Variants in DPP9 observed in about 807,000 individuals in gnomAD.
DPP9 encodes the protein dipeptidyl peptidase IV-related protein-2.
In DPP9, 50 loss-of-function variants were observed where a neutral mutation model predicts 110.7. The ratio of observed to expected loss-of-function variants is 0.45; its 90% CI spans 0.36 to 0.57. DPP9 has a LOEUF of 0.57. Ranked by LOEUF, DPP9 falls within the 20% of genes least tolerant of loss-of-function variation. The pLI is 0.00. For missense variants in DPP9, 1,022 were observed against 1,217.9 expected, an observed-to-expected ratio of 0.84 and a Z score of 2.39; for synonymous variants, 561 against 514.4, an observed-to-expected ratio of 1.09 and a Z score of -1.23.
At chr19:4,723,179 C>T (rs571885954) in intron 1 of DPP9, among the ~76,000 whole-genome samples, 2 of 152,228 alleles carry the variant, frequency 1.3e-5, no homozygotes, top group Admixed American at 1.3e-4. Context: ...GACCAAGCCT[C>T]GGGGCGAAGG....
intron 3 of DPP9, among the ~76,000 whole-genome samples, chr19:4,714,999 T>C: frequency 6.8e-6 from 1 of 147,582 alleles, no homozygotes; most frequent in Non-Finnish European, 1.5e-5. Context: ...ACTTCTTTGA[T>C]ATATGTTTAT....
chr19:4,705,796 TG>T lies in DPP9; in HGVS notation c.426+61del. On this transcript the variant is annotated intron_variant, in intron 5 of 21. Transcript: ENST00000262960. ...GGTGACCGAAGGCATGTATGGCCTG[TG>T]GGGCTGGCCTTTGCCACCTCCTCGC... The T allele has an allele frequency of 8.5e-6, 13 of 1,523,562 alleles. No individual in the cohort carries two copies. The South Asian group carries it at 1.4e-4, about 16-fold the overall frequency. 94.4% of individuals were successfully genotyped at this position (1,523,562 alleles called of 1,614,324 possible). A position where few individuals can be genotyped will look rare whatever the true frequency, so the allele number is the denominator to read the frequency against.
chr19:4,676,405 C>T lies in DPP9; in HGVS notation c.*159G>A, dbSNP rs879920098. Reference sequence around the variant, plus strand: ...AGAGCGTTTAAAAAAGGATAAAAGGCGTCGGGGCGGTGAAGGCAGCGGCTC... The same window carrying T: ...AGAGCGTTTAAAAAAGGATAAAAGGTGTCGGGGCGGTGAAGGCAGCGGCTC... On this transcript the variant is annotated 3_prime_UTR_variant, in exon 22 of 22. Coordinates refer to ENST00000262960, the MANE Select transcript of DPP9 (RefSeq NM_139159.5). The surrounding 1 kb of genome is among the most constrained non-coding windows in gnomAD (Gnocchi z 4.0). 3.2e-6 allele frequency: 2 copies of T among 630,338 alleles called. No individual in the cohort carries two copies. The highest frequency in any genetic ancestry group is 5.7e-6 in the Non-Finnish European group (2 of 353,640). 39.0% of individuals were successfully genotyped at this position (630,338 alleles called of 1,614,324 possible).
At position 4,704,059 on chromosome 19, in the gene DPP9, G is replaced by A. The variant is rs1441590953; in HGVS notation, c.601-5C>T. The A allele has an allele frequency of 3.7e-6, 6 of 1,613,946 alleles. No homozygotes were observed. The Admixed American group carries it at 6.7e-5, about 18-fold the overall frequency. The stretch of plus-strand genomic sequence containing the variant: ...CAGCGGTTTCATAGGGGACACCTGA[G>A]GACAGAGACGCCCAGCTCAGGGGGA... On this transcript the variant is annotated splice_polypyrimidine_tract_variant and splice_region_variant and intron_variant, in intron 6 of 21. Transcript: ENST00000262960. The surrounding 1 kb of genome is among the most constrained non-coding windows in gnomAD (Gnocchi z 6.0).
chr19:4,689,830 A>G lies in DPP9; in HGVS notation c.1597-108T>C. On this transcript the variant is annotated intron_variant, in intron 14 of 21. Transcript: ENST00000262960. The surrounding 1 kb of genome is among the most constrained non-coding windows in gnomAD (Gnocchi z 7.0). ...CCCATGTTCCTCGGACTGGGGACGC[A>G]TGCTGTCCTCGCCCAAGTCTGGCTT... The G allele has an allele frequency of 8.2e-7, 1 of 1,224,158 alleles. No homozygotes were observed. The highest frequency in any genetic ancestry group is 1.1e-6 in the Non-Finnish European group (1 of 902,070). The allele number at this position is 1,224,158 out of a possible 1,614,324, so 75.8% of individuals were successfully genotyped here. A position where few individuals can be genotyped will look rare whatever the true frequency, so the allele number is the denominator to read the frequency against.
intron 16 of DPP9, 158 bp downstream of exon 16, chr19:4,688,599 C>T: frequency 1.0e-6 from 1 of 984,962 alleles, no homozygotes; most frequent in Non-Finnish European, 1.4e-6. Context: ...GGCTTATGTC[C>T]TATGACGAGT....
intron 8 of DPP9, 76 bp downstream of exon 8, chr19:4,702,527 C>T (rs1192019883): frequency 1.2e-5 from 14 of 1,138,552 alleles, no homozygotes; most frequent in Middle Eastern, 2.0e-4. Context: ...AGGAGTAAGG[C>T]GCAGGAAGGA....
In DPP9 at chr19:4,720,001, G is replaced by A. The variant is rs975200674; in HGVS notation, c.-35-60C>T. 2.4e-5 allele frequency: 34 copies of A among 1,404,080 alleles called. 1 individual carries two copies. The South Asian group carries it at 3.1e-4, about 13-fold the overall frequency. 87.0% of individuals were successfully genotyped at this position (1,404,080 alleles called of 1,614,324 possible). A position where few individuals can be genotyped will look rare whatever the true frequency, so the allele number is the denominator to read the frequency against. ...CAACCCCAGCAGGTGGGGAGTGGGC[G>A]CTCCTGCCCCCTTCGCCCCCTCCTC... On this transcript the variant is annotated intron_variant, in intron 2 of 21. Coordinates refer to ENST00000262960, the MANE Select transcript of DPP9 (RefSeq NM_139159.5).
chr19:4,709,435 G>A (rs976516876), intron 4 of DPP9, among the ~76,000 whole-genome samples: 12 of 152,112 alleles, frequency 7.9e-5, no homozygotes, highest in Non-Finnish European at 1.3e-4. Flanking sequence ...GAGAAAAATC[G>A]TGCGGAGACT....
In DPP9 at chr19:4,702,022, C is replaced by G. The variant is rs1433235192; in HGVS notation, c.1012+5G>C. 1.2e-6 allele frequency: 2 copies of G among 1,612,596 alleles called. No individual in the cohort carries two copies. Among genetic ancestry groups the G allele is most frequent in the African/African-American group, 1.3e-5 (1 of 74,920 alleles). ...CCCAGCCCCTCACATGTACCGGGCA[C>G]TCACCTGTCCTGGGGTACCGATACG... On this transcript the variant is annotated splice_donor_5th_base_variant and intron_variant, in intron 9 of 21. Transcript: ENST00000262960.
In DPP9 at chr19:4,698,451, C is replaced by T. The variant is rs190003822; in HGVS notation, c.1075-800G>A. Among the ~76,000 whole-genome samples, 702 of 150,894 alleles carry T rather than the reference C, an allele frequency of 4.7e-3. 5 individuals carry two copies. Among genetic ancestry groups the T allele is most frequent in the Non-Finnish European group, 5.7e-3 (386 of 67,948 alleles). ...CTGCACGTCTGAGAGTGCAAGGAGCCACTAAAACAGCCTGGCGGGGCCAGG... is the reference window on the plus strand; with the variant it reads ...CTGCACGTCTGAGAGTGCAAGGAGCTACTAAAACAGCCTGGCGGGGCCAGG... On this transcript the variant is annotated intron_variant, in intron 10 of 21. Coordinates refer to ENST00000262960, the MANE Select transcript of DPP9 (RefSeq NM_139159.5). This position sits in a 1 kb window ranked among gnomAD's most constrained non-coding sequence, Gnocchi z 4.2.
chr19:4,698,440 G>A lies in DPP9; in HGVS notation c.1075-789C>T, dbSNP rs1456776338. ...ACCTAAGGACTCTGCACGTCTGAGA[G>A]TGCAAGGAGCCACTAAAACAGCCTG... On this transcript the variant is annotated intron_variant, in intron 10 of 21. Coordinates refer to ENST00000262960, the MANE Select transcript of DPP9 (RefSeq NM_139159.5). This position sits in a 1 kb window ranked among gnomAD's most constrained non-coding sequence, Gnocchi z 4.2. 6.6e-6 allele frequency among the ~76,000 whole-genome samples: 1 copy of A among 151,544 alleles called. No homozygotes were observed. The highest frequency in any genetic ancestry group is 1.5e-5 in the Non-Finnish European group (1 of 67,998).
intron 4 of DPP9, 108 bp downstream of exon 4, chr19:4,713,973 A>C: frequency 7.1e-7 from 1 of 1,403,718 alleles, no homozygotes; most frequent in Non-Finnish European, 9.4e-7. Flanking sequence ...GGGCCCAGCC[A>C]TCCGAGCAGA....
intron 4 of DPP9, among the ~76,000 whole-genome samples, chr19:4,713,175 C>T (rs2092913243): frequency 6.6e-6 from 1 of 152,224 alleles, no homozygotes; most frequent in Non-Finnish European, 1.5e-5. Context: ...ACGATCTGGC[C>T]CCAATGTCCA....
At chr19:4,680,437 C>T (rs1173680407) in intron 20 of DPP9, among the ~76,000 whole-genome samples, 8 of 151,812 alleles carry the variant, frequency 5.3e-5, no homozygotes, top group South Asian at 2.1e-4. Flanking sequence ...AAACCCAGGC[C>T]GGGTGCAGTG....
rs899904318 is a variant in DPP9, at chr19:4,710,065, G to A, written c.313+4016C>T. Among the ~76,000 whole-genome samples, 10 of 152,204 alleles carry A rather than the reference G, an allele frequency of 6.6e-5. No individual in the cohort carries two copies. The highest frequency in any genetic ancestry group is 2.4e-4 in the African/African-American group (10 of 41,460). On this transcript the variant is annotated intron_variant, in intron 4 of 21. Transcript: ENST00000262960. This position sits in a 1 kb window ranked among gnomAD's most constrained non-coding sequence, Gnocchi z 5.6. Reference sequence around the variant, plus strand: ...GCAAGGGCTAGAGGTGACCGCCAAGGGCTGTGGATTTCTGCTGCCCCATCC... The same window carrying A: ...GCAAGGGCTAGAGGTGACCGCCAAGAGCTGTGGATTTCTGCTGCCCCATCC...
At position 4,702,049 on chromosome 19, in the gene DPP9, G is replaced by A. The variant is rs757398158; in HGVS notation, c.990C>T (p.Asp330=). The A allele has an allele frequency of 1.3e-5, 21 of 1,613,822 alleles. No homozygotes were observed. The East Asian group carries it at 4.7e-4, about 36-fold the overall frequency. The change falls in exon 9 of 22, where the codon GAC becomes GAT. Residue 330 remains aspartate (D), a synonymous_variant. Transcript: ENST00000262960. ...PSPALEERKT[D]SYRYPRTGSK... ...CACCTGTCCTGGGGTACCGATACGAGTCCGTCTTCCTTTCTTCTAGCGCAG... is the reference window on the plus strand; with the variant it reads ...CACCTGTCCTGGGGTACCGATACGAATCCGTCTTCCTTTCTTCTAGCGCAG...
intron 4 of DPP9, among the ~76,000 whole-genome samples, chr19:4,706,411 A>C (rs917909252): frequency 2.6e-5 from 4 of 152,146 alleles, no homozygotes; most frequent in African/African-American, 9.7e-5. Context: ...GGCAGTCAGA[A>C]ACAAACATCC....
rs1302536346 is a variant in DPP9 at position 4,689,940 on chromosome 19, C to T, written c.1597-218G>A. The stretch of plus-strand genomic sequence containing the variant: ...CAGCCCCTGGTCGAGCTGGGAACTG[C>T]GTGTCCTCAGGCGGGACCTGGGGCC... On this transcript the variant is annotated intron_variant, in intron 14 of 21. Transcript: ENST00000262960. This position sits in a 1 kb window ranked among gnomAD's most constrained non-coding sequence, Gnocchi z 7.0. 1.3e-5 allele frequency among the ~76,000 whole-genome samples: 2 copies of T among 152,214 alleles called. No homozygotes were observed. The highest frequency in any genetic ancestry group is 1.5e-5 in the Non-Finnish European group (1 of 68,026).
Sources: allele counts gnomAD v4.1 joint callset (sites outside exome capture counted in the v4.1 genomes callset), GRCh38; gene constraint gnomAD v4.1.1; non-coding constraint Gnocchi (gnomAD v3.1); transcripts MANE v1.5; gene names NCBI Gene and HGNC (gene_info 2026-07-23, HGNC 2026-07-21).